ZNF454: variants seen among roughly 807,000 people sequenced by gnomAD.
ZNF454 encodes the protein zinc finger protein 454.
ZNF454 carries 30 observed loss-of-function variants against 48.2 expected under a neutral mutation model. The observed-to-expected ratio is 0.62, with a 90% confidence interval of 0.47 to 0.84. ZNF454 has a LOEUF of 0.84. Among genes scored for constraint, ZNF454 ranks in the 40% least tolerant of loss-of-function variants. The pLI is 0.00. For synonymous variants in ZNF454, 204 were observed against 211.4 expected (o/e 0.97, Z 0.30); for missense variants, 510 against 623.1 (o/e 0.82, Z 1.93).
At chr5:178,972,007 C>G in the ZNF454 span, among the ~76,000 whole-genome samples, 2 of 152,158 alleles carry the variant, frequency 1.3e-5, no homozygotes, top group Non-Finnish European at 2.9e-5. Context: ...AATCTCGGCT[C>G]CCTGTAAACT....
intron 4 of ZNF454, among the ~76,000 whole-genome samples, chr5:178,960,677 T>A (rs1695227233): frequency 6.6e-6 from 1 of 151,952 alleles, no homozygotes; most frequent in Admixed American, 6.6e-5. Flanking sequence ...TATACATTTT[T>A]AAAGTTATGT....
the ZNF454 span, among the ~76,000 whole-genome samples, chr5:178,977,086 C>A: frequency 6.6e-6 from 1 of 152,044 alleles, no homozygotes; most frequent in Non-Finnish European, 1.5e-5. Context: ...ACCACGGTGC[C>A]ATGGAACGGT....
chr5:178,989,322 TA>T, the ZNF454 span: 2 of 1,613,126 alleles, frequency 1.2e-6, no homozygotes, highest in Non-Finnish European at 1.7e-6. Context: ...AGTTTGCAGT[TA>T]AAATTCTCTT....
At chr5:178,943,535 A>C (rs571741704) in intron 2 of ZNF454, among the ~76,000 whole-genome samples, 25 of 152,272 alleles carry the variant, frequency 1.6e-4, no homozygotes, top group African/African-American at 5.8e-4. Flanking sequence ...CATACATCCA[A>C]ACTATATCAG....
chr5:178,951,195 A>G (rs1329650355), intron 4 of ZNF454, among the ~76,000 whole-genome samples: 1 of 152,154 alleles, frequency 6.6e-6, no homozygotes, highest in Non-Finnish European at 1.5e-5. Flanking sequence ...CTTACATGTA[A>G]TTTCTACACA....
the ZNF454 span, among the ~76,000 whole-genome samples, chr5:178,974,285 A>AGTGGTTGTT: frequency 6.7e-6 from 1 of 149,014 alleles, no homozygotes; most frequent in Non-Finnish European, 1.5e-5. Context: ...TAGCCTTTCT[A>AGTGGTTGTT]GTGGTTGTTG....
chr5:178,969,403 A>G, downstream of ZNF454: 1 of 453,186 alleles, frequency 2.2e-6, no homozygotes, highest in South Asian at 1.6e-5. Flanking sequence ...CAGCTGGGTT[A>G]ATCCCCAAAG....
intron 4 of ZNF454, among the ~76,000 whole-genome samples, chr5:178,962,822 C>G (rs1213990866): frequency 6.6e-6 from 1 of 151,730 alleles, no homozygotes; most frequent in Non-Finnish European, 1.5e-5. Context: ...GATTTAACTT[C>G]CCTGGTAGCA....
chr5:178,966,882 T>C (rs762271980), downstream of ZNF454, among the ~76,000 whole-genome samples: 1 of 152,206 alleles, frequency 6.6e-6, no homozygotes, highest in Non-Finnish European at 1.5e-5. Flanking sequence ...TGTGAGACGA[T>C]TCATTTGCCC....
chr5:178,985,614 A>C, the ZNF454 span: 290 of 357,448 alleles, frequency 8.1e-4, 1 homozygote, highest in Non-Finnish European at 5.3e-4. Flanking sequence ...GAGGCAGGAG[A>C]ATGGCGTGAA....
chr5:178,978,389 T>A, the ZNF454 span: 1 of 152,236 alleles, frequency 6.6e-6, no homozygotes, highest in Admixed American at 6.5e-5. Flanking sequence ...ACCTGGACTC[T>A]TTACAGTAAG....
chr5:178,968,849 G>C (rs11741688), downstream of ZNF454: 260,328 of 456,350 alleles, frequency 0.57, 75,010 homozygotes, highest in East Asian at 0.7. Context: ...GGACCAAGGC[G>C]TGCAGCCACT....
the ZNF454 span, chr5:178,989,118 G>A: frequency 3.0e-5 from 49 of 1,613,740 alleles, no homozygotes; most frequent in Non-Finnish European, 4.0e-5. Context: ...GTGGAGTCCC[G>A]GCCGATGCGT....
At chr5:178,966,575 A>C (rs555559265), downstream of ZNF454, 4 of 152,288 alleles carry the variant, frequency 2.6e-5, no homozygotes, top group African/African-American at 9.6e-5. Context: ...AAATTGGTTT[A>C]TCAAATTACA....
intron 4 of ZNF454, among the ~76,000 whole-genome samples, chr5:178,948,659 G>A (rs1311703322): frequency 3.9e-5 from 6 of 152,082 alleles, no homozygotes; most frequent in Middle Eastern, 3.2e-3. Context: ...TGGAGATGCC[G>A]CACTGAGGCT....
At chr5:178,971,052 G>A (rs1030450204), downstream of ZNF454, among the ~76,000 whole-genome samples, 6 of 152,228 alleles carry the variant, frequency 3.9e-5, no homozygotes, top group Non-Finnish European at 8.8e-5. Context: ...AGAACTTTGC[G>A]TATATTCATT....
At chr5:178,950,921 G>A (rs1299408779) in intron 4 of ZNF454, among the ~76,000 whole-genome samples, 2 of 150,246 alleles carry the variant, frequency 1.3e-5, no homozygotes, top group Non-Finnish European at 3.0e-5. Context: ...GTGCAGTGGC[G>A]TGATCTCGGC....
chr5:178,954,246 G>A (rs772470906), intron 4 of ZNF454, among the ~76,000 whole-genome samples: 8 of 151,950 alleles, frequency 5.3e-5, no homozygotes, highest in Admixed American at 1.3e-4. Flanking sequence ...TGGAGTGCCA[G>A]GCTGGACAAC....
the ZNF454 span, chr5:178,979,713 G>A: frequency 6.6e-6 from 1 of 152,218 alleles, no homozygotes; most frequent in African/African-American, 2.4e-5. Flanking sequence ...GTAAAACTGT[G>A]GAAAAGTTTT....
Sources: gnomAD v4.1 joint callset for allele counts (sites outside exome capture counted in the v4.1 genomes callset) on GRCh38, gnomAD v4.1.1 for gene constraint, MANE v1.5 for transcripts, NCBI Gene and HGNC (gene_info 2026-07-23, HGNC 2026-07-21) for gene names.